RBSN: variants seen among roughly 807,000 people sequenced by gnomAD.
RBSN encodes the protein rabenosyn, RAB effector.
RBSN carries 34 observed loss-of-function variants against 60.5 expected under a neutral mutation model. The observed-to-expected ratio is 0.56, with a 90% CI of 0.43 to 0.75. RBSN has a LOEUF of 0.75. Ranked by LOEUF, RBSN falls within the 30% of genes least tolerant of loss-of-function variation. RBSN has a pLI of 0.00. For synonymous variants in RBSN, 322 were observed against 366.9 expected, an observed-to-expected ratio of 0.88 and a Z score of 1.40; for missense variants, 845 against 986.8, an observed-to-expected ratio of 0.86 and a Z score of 1.92.
At position 15,073,591 on chromosome 3, in the gene RBSN, T is replaced by C; in HGVS notation, c.*191A>G. On this transcript the variant is annotated 3_prime_UTR_variant, in exon 14 of 14. Coordinates refer to ENST00000253699, the MANE Select transcript of RBSN (RefSeq NM_022340.4). ...AATGCTGATTCTCCCTGTTCTAGTTTCTATTTTATTATTCAACTGTAGTGG... is the reference window on the plus strand; with the variant it reads ...AATGCTGATTCTCCCTGTTCTAGTTCCTATTTTATTATTCAACTGTAGTGG... 1 of 540,724 alleles carries C rather than the reference T, an allele frequency of 1.8e-6. No individual in the cohort carries two copies. Among genetic ancestry groups the C allele is most frequent in the Non-Finnish European group, 3.2e-6 (1 of 312,068 alleles). The allele number at this position is 540,724 out of a possible 1,614,324, so 33.5% of individuals were successfully genotyped here.
chr3:15,087,254 C>A (rs900960218), intron 5 of RBSN, among the ~76,000 whole-genome samples: 1 of 152,124 alleles, frequency 6.6e-6, no homozygotes, highest in Admixed American at 6.6e-5. Context: ...GTGGCTCATG[C>A]CTGTAATCCC....
intron 4 of RBSN, among the ~76,000 whole-genome samples, chr3:15,095,384 T>C (rs1475368038): frequency 6.6e-6 from 1 of 152,168 alleles, no homozygotes; most frequent in African/African-American, 2.4e-5. Context: ...AATAAACATA[T>C]GTATAGTGAA....
rs765070298 is a variant in RBSN, at chr3:15,074,534, C to A, written c.1603G>T (p.Glu535Ter). Reference protein sequence around the residue: ...LRERELEREREQFRVASLHTR... With the variant: ...LRERELERER ...TGCAGGGATGCCACCCGAAACTGCT[C>A]CCTTTCTCGTTCCAACTCCCGTTCA... Residue 535 changes from glutamate (E) to a stop codon, truncating the protein, a stop_gained, in exon 14 of 14, where the codon GAG (glutamate) becomes TAG (stop). Transcript: ENST00000253699. LOFTEE classifies it low-confidence loss of function (END_TRUNC). This position sits in a 1 kb window ranked among gnomAD's most constrained non-coding sequence, Gnocchi z 6.4. The A allele has an allele frequency of 6.2e-7, 1 of 1,614,222 alleles. No homozygotes were observed. Among genetic ancestry groups the A allele is most frequent in the Non-Finnish European group, 8.5e-7 (1 of 1,180,030 alleles).
intron 10 of RBSN, among the ~76,000 whole-genome samples, chr3:15,080,295 G>A (rs1352772311): frequency 6.6e-6 from 1 of 151,052 alleles, no homozygotes; most frequent in Non-Finnish European, 1.5e-5. Context: ...CCCACGGGCT[G>A]CAGTCTGCCA....
chr3:15,077,173 G>T lies in RBSN; in HGVS notation c.999-9C>A. ...AGGTTAAGATCTTCTTACTGAATTG[G>T]AACAAACACATGAATATAATGAGCA... On this transcript the variant is annotated splice_polypyrimidine_tract_variant and intron_variant, in intron 11 of 13. Coordinates refer to ENST00000253699, the MANE Select transcript of RBSN (RefSeq NM_022340.4). The surrounding 1 kb of genome is among the most constrained non-coding windows in gnomAD (Gnocchi z 4.4). 6.2e-7 allele frequency: 1 copy of T among 1,609,458 alleles called. No individual in the cohort carries two copies. The highest frequency in any genetic ancestry group is 8.5e-7 in the Non-Finnish European group (1 of 1,175,828).
In RBSN at chr3:15,078,147, G is replaced by A; in HGVS notation, c.926C>T (p.Thr309Ile). ...MAASLNAGET[T>I]YSLEHASDLR... The stretch of plus-strand genomic sequence containing the variant: ...GTCACTGGCATGTTCCAGACTGTAG[G>A]TTGTCTCCCCAGCACTAAGGAGAAA... The change falls in exon 11 of 14, where the codon ACC becomes ATC. Residue 309 changes from threonine (T) to isoleucine (I), a missense_variant. By Grantham distance (89) the Thr-to-Ile change is moderately conservative. Coordinates refer to ENST00000253699, the MANE Select transcript of RBSN (RefSeq NM_022340.4). The A allele has an allele frequency of 1.2e-6, 2 of 1,614,134 alleles. No homozygotes were observed. Among genetic ancestry groups the A allele is most frequent in the Non-Finnish European group, 1.7e-6 (2 of 1,180,016 alleles).
In RBSN at chr3:15,073,671, G is replaced by T; in HGVS notation, c.*111C>A. Reference sequence around the variant, plus strand: ...GCAGATTCCTGCCCCTCACCTGTGTGCATCTGAGTTCTCACCCTGCCACCT... The same window carrying T: ...GCAGATTCCTGCCCCTCACCTGTGTTCATCTGAGTTCTCACCCTGCCACCT... On this transcript the variant is annotated 3_prime_UTR_variant, in exon 14 of 14. Coordinates refer to ENST00000253699, the MANE Select transcript of RBSN (RefSeq NM_022340.4). The T allele has an allele frequency of 8.6e-7, 1 of 1,156,896 alleles. No individual in the cohort carries two copies. Among genetic ancestry groups the T allele is most frequent in the Non-Finnish European group, 1.2e-6 (1 of 823,800 alleles). 71.7% of individuals were successfully genotyped at this position (1,156,896 alleles called of 1,614,324 possible). A position where few individuals can be genotyped will look rare whatever the true frequency, so the allele number is the denominator to read the frequency against.
chr3:15,073,612 A>G lies in RBSN; in HGVS notation c.*170T>C, dbSNP rs1368105438. ...AGTTTCTATTTTATTATTCAACTGT[A>G]GTGGAAATACCTCAAAGTGCGCAAC... On this transcript the variant is annotated 3_prime_UTR_variant, in exon 14 of 14. Coordinates refer to ENST00000253699, the MANE Select transcript of RBSN (RefSeq NM_022340.4). 1 of 593,408 alleles carries G rather than the reference A, an allele frequency of 1.7e-6. No homozygotes were observed. Among genetic ancestry groups the G allele is most frequent in the Non-Finnish European group, 2.9e-6 (1 of 346,808 alleles). 36.8% of individuals were successfully genotyped at this position (593,408 alleles called of 1,614,324 possible).
At position 15,077,040 on chromosome 3, in the gene RBSN, T is replaced by C. The variant is rs780829542; in HGVS notation, c.1101+22A>G. On this transcript the variant is annotated intron_variant, in intron 12 of 13. Transcript: ENST00000253699. The surrounding 1 kb of genome is among the most constrained non-coding windows in gnomAD (Gnocchi z 4.4). ...CAGGACAGGCCAAGTGCAACATTTA[T>C]GCCAACCCAGGATGGCTTTACCTGC... The C allele has an allele frequency of 8.1e-6, 13 of 1,610,832 alleles. No homozygotes were observed. The highest frequency in any genetic ancestry group is 2.7e-5 in the African/African-American group (2 of 74,890).
In RBSN at chr3:15,080,793, G is replaced by C. The variant is rs1559344259; in HGVS notation, c.850C>G (p.Leu284Val). 6.2e-7 allele frequency: 1 copy of C among 1,614,028 alleles called. No homozygotes were observed. ...DIVKLYEKLR[L>V]CMEKVDQKAP... The stretch of plus-strand genomic sequence containing the variant: ...TTCTGGTCAACTTTCTCCATGCAAA[G>C]TCGTAATTTCTAAGAACAAAAACAA... The change falls in exon 10 of 14, where the codon CTT becomes GTT. Residue 284 changes from leucine to valine, a missense_variant. Physicochemically the swap from Leu to Val is conservative, Grantham distance 32. Coordinates refer to ENST00000253699, the MANE Select transcript of RBSN (RefSeq NM_022340.4).
Position 15,073,621 on chromosome 3 carries a change from AC to A in RBSN, c.*160del, listed in dbSNP as rs1265677951. On this transcript the variant is annotated 3_prime_UTR_variant, in exon 14 of 14. Transcript: ENST00000253699. ...TTTATTATTCAACTGTAGTGGAAAT[AC>A]CTCAAAGTGCGCAACACAAAACAGC... 3.8e-5 allele frequency: 24 copies of A among 631,360 alleles called. No homozygotes were observed. Among genetic ancestry groups the A allele is most frequent in the Non-Finnish European group, 6.1e-5 (23 of 377,686 alleles). The allele number at this position is 631,360 out of a possible 1,614,324, so 39.1% of individuals were successfully genotyped here. A position where few individuals can be genotyped will look rare whatever the true frequency, so the allele number is the denominator to read the frequency against.
At position 15,090,513 on chromosome 3, in the gene RBSN, T is replaced by C; in HGVS notation, c.175A>G (p.Lys59Glu). 1 of 1,614,196 alleles carries C rather than the reference T, an allele frequency of 6.2e-7. No homozygotes were observed. Among genetic ancestry groups the C allele is most frequent in the Non-Finnish European group, 8.5e-7 (1 of 1,180,042 alleles). Residue 59 changes from lysine (K) to glutamate (E), a missense_variant, in exon 5 of 14, where the codon AAG becomes GAG. Transcript: ENST00000253699. The stretch of plus-strand genomic sequence containing the variant: ...CCTTCTCGTTTCAACAACCTGTCCT[T>C]TGCTTTTTTAGCCTTCTGGACAAGA... ...KSLVQKAKKA[K>E]DRLLKREGDD...
chr3:15,093,906 T>C (rs1049555002), intron 4 of RBSN, among the ~76,000 whole-genome samples: 3 of 152,044 alleles, frequency 2.0e-5, no homozygotes, highest in East Asian at 3.9e-4. Context: ...ACAGGATCTA[T>C]GTTGCCCAGG....
At chr3:15,075,258 A>G (rs1379559513) in intron 13 of RBSN, 1 of 591,880 alleles carries the variant, frequency 1.7e-6, no homozygotes, top group Non-Finnish European at 3.1e-6. Flanking sequence ...CGTTAAATAC[A>G]CATATAATTT....
chr3:15,079,876 G>T (rs2043159880), intron 10 of RBSN, among the ~76,000 whole-genome samples: 1 of 151,992 alleles, frequency 6.6e-6, no homozygotes, highest in African/African-American at 2.4e-5. Context: ...TTGTGAATAC[G>T]CTAAAAACCA....
At chr3:15,075,420 G>T in intron 13 of RBSN, 186 bp downstream of exon 13, 1 of 695,904 alleles carries the variant, frequency 1.4e-6, no homozygotes, top group Non-Finnish European at 2.6e-6. Context: ...AATAGGCCCT[G>T]GGGAGAAAAA....
At position 15,097,411 on chromosome 3, in the gene RBSN, G is replaced by T. The variant is rs1451638536; in HGVS notation, c.-344-701C>A. Among the ~76,000 whole-genome samples, 3 of 152,104 alleles carry T rather than the reference G, an allele frequency of 2.0e-5. No individual in the cohort carries two copies. The East Asian group carries it at 5.8e-4, about 29-fold the overall frequency. ...GCGCCTGTAATCCCAGCTAGTGGGG[G>T]TACTGAGGCAGGAGAACTGCTTGAA... On this transcript the variant is annotated intron_variant, in intron 2 of 13. Coordinates refer to ENST00000253699, the MANE Select transcript of RBSN (RefSeq NM_022340.4).
intron 1 of RBSN, among the ~76,000 whole-genome samples, chr3:15,098,483 TATAG>T (rs2043733113): frequency 2.5e-4 from 1 of 3,940 alleles, no homozygotes; most frequent in Non-Finnish European, 5.4e-4. Context: ...AAAAAATAAA[TATAG>T]CTACATGTTC....
At chr3:15,085,983 A>C (rs1275041212) in intron 5 of RBSN, 22 bp from the exon 6 acceptor site, 1 of 1,590,400 alleles carries the variant, frequency 6.3e-7, no homozygotes, top group African/African-American at 1.4e-5. Context: ...GAAGGTAGGG[A>C]GACAAATGAC....
Sources: allele counts gnomAD v4.1 joint callset (sites outside exome capture counted in the v4.1 genomes callset), GRCh38; gene constraint gnomAD v4.1.1; non-coding constraint Gnocchi (gnomAD v3.1); transcripts MANE v1.5; gene names NCBI Gene and HGNC (gene_info 2026-07-23, HGNC 2026-07-21).